Variants in KCNT2 observed in about 807,000 individuals in gnomAD.
KCNT2 encodes potassium channel subfamily T member 2.
A neutral mutation model predicts 153.8 loss-of-function variants in KCNT2; 67 were observed. That is an observed-to-expected ratio of 0.44 (90% CI 0.36 to 0.53). The LOEUF (loss-of-function observed/expected upper bound fraction) is 0.53, where lower values mean the gene tolerates loss of function less well. KCNT2 is among the 20% of genes least tolerant of loss of function. The pLI, the probability that KCNT2 is intolerant of heterozygous loss-of-function variation, is 0.00. For synonymous variants in KCNT2, 500 were observed against 458.8 expected (o/e 1.09, Z -1.15); for missense variants, 975 against 1,354.8 (o/e 0.72, Z 4.40).
intron 22 of KCNT2, among the ~76,000 whole-genome samples, chr1:196,301,934 T>C (rs1370874276): frequency 3.9e-5 from 6 of 152,042 alleles, no homozygotes; most frequent in African/African-American, 1.4e-4. Flanking sequence ...GAGACAGGGT[T>C]TTACCATGTT....
chr1:196,452,770 G>A (rs1676334375), intron 8 of KCNT2, among the ~76,000 whole-genome samples: 1 of 152,004 alleles, frequency 6.6e-6, no homozygotes, highest in Non-Finnish European at 1.5e-5. Flanking sequence ...GGCTGATGGT[G>A]TGAGAGACCC....
chr1:196,273,560 C>A, intron 25 of KCNT2: 1 of 1,083,054 alleles, frequency 9.2e-7, no homozygotes, highest in Non-Finnish European at 1.4e-6. Flanking sequence ...AGATGCATGC[C>A]AACAATCAGT....
At chr1:196,362,991 A>G (rs1438677645) in intron 14 of KCNT2, among the ~76,000 whole-genome samples, 1 of 152,064 alleles carries the variant, frequency 6.6e-6, no homozygotes, top group East Asian at 1.9e-4. Context: ...AAAAGCACAC[A>G]ATTATACTAG....
intron 22 of KCNT2, among the ~76,000 whole-genome samples, chr1:196,288,590 C>T (rs188107144): frequency 4.9e-4 from 74 of 152,100 alleles, no homozygotes; most frequent in Non-Finnish European, 9.0e-4. Flanking sequence ...TAGTGAAAGA[C>T]GAATGTACAT....
chr1:196,361,082 A>G (rs1023633181), intron 14 of KCNT2, among the ~76,000 whole-genome samples: 5 of 152,142 alleles, frequency 3.3e-5, no homozygotes, highest in East Asian at 1.9e-4. Context: ...TCTTCCCAGG[A>G]CATAGTTAGT....
chr1:196,540,243 A>T (rs547881327), intron 1 of KCNT2, among the ~76,000 whole-genome samples: 2 of 152,334 alleles, frequency 1.3e-5, no homozygotes, highest in South Asian at 2.1e-4. Context: ...ACTGTCAAAA[A>T]TAATCTCTTA....
chr1:196,416,562 C>T, intron 12 of KCNT2, among the ~76,000 whole-genome samples: 1 of 152,020 alleles, frequency 6.6e-6, no homozygotes, highest in East Asian at 1.9e-4. Context: ...GCTATATATG[C>T]TACTTGTTTC....
chr1:196,297,287 T>C (rs1660760612), intron 22 of KCNT2, among the ~76,000 whole-genome samples: 1 of 152,128 alleles, frequency 6.6e-6, no homozygotes, highest in Non-Finnish European at 1.5e-5. Flanking sequence ...TTAATTTTAT[T>C]AACTTAGTTA....
chr1:196,333,762 C>T lies in KCNT2; in HGVS notation c.1997+85G>A, dbSNP rs903111158. Reference sequence around the variant, plus strand: ...AGAAGGAAAGATCATTAGCTCCTTACCTATTGGGAAGGTATGTAAAGAAAA... The same window carrying T: ...AGAAGGAAAGATCATTAGCTCCTTATCTATTGGGAAGGTATGTAAAGAAAA... On this transcript the variant is annotated intron_variant, in intron 17 of 27. Coordinates refer to ENST00000294725, the MANE Select transcript of KCNT2 (RefSeq NM_198503.5). 14 of 768,154 alleles carry T rather than the reference C, an allele frequency of 1.8e-5. No individual in the cohort carries two copies. The African/African-American group carries it at 2.4e-4, about 13-fold the overall frequency. 47.6% of individuals were successfully genotyped at this position (768,154 alleles called of 1,614,324 possible).
In KCNT2 at chr1:196,403,009, ATTTC is replaced by A. The variant is rs570113720; in HGVS notation, c.1186-4342_1186-4339del. On this transcript the variant is annotated intron_variant, in intron 12 of 27. Transcript: ENST00000294725. ...ATCAAATTTGGAATACATTTTGACAATTTCTTACAAAACTAAGTATACCCTAACC... is the reference window on the plus strand; with the variant it reads ...ATCAAATTTGGAATACATTTTGACAATTACAAAACTAAGTATACCCTAACC... Among the ~76,000 whole-genome samples the A allele has an allele frequency of 9.7e-4, 147 of 151,788 alleles. 1 individual carries two copies. Among genetic ancestry groups the A allele is most frequent in the African/African-American group, 2.0e-3 (84 of 41,500 alleles).
chr1:196,285,411 G>A (rs907159000), intron 23 of KCNT2, among the ~76,000 whole-genome samples: 3 of 152,000 alleles, frequency 2.0e-5, no homozygotes, highest in Non-Finnish European at 2.9e-5. Flanking sequence ...AAACACTGCA[G>A]GGCACTGGTA....
chr1:196,608,359 G>C lies in KCNT2; in HGVS notation c.-50C>G. On this transcript the variant is annotated 5_prime_UTR_variant, in exon 1 of 28. Transcript: ENST00000294725. Reference sequence around the variant, plus strand: ...CAAACAACAAATGGAGGAGAGGAGGGAGAAAGAAAGAAAATATTGCGGAGT... The same window carrying C: ...CAAACAACAAATGGAGGAGAGGAGGCAGAAAGAAAGAAAATATTGCGGAGT... The C allele has an allele frequency of 2.1e-6, 3 of 1,435,934 alleles. No homozygotes were observed. The highest frequency in any genetic ancestry group is 2.0e-6 in the Non-Finnish European group (2 of 1,018,532). 88.9% of individuals were successfully genotyped at this position (1,435,934 alleles called of 1,614,324 possible). A position where few individuals can be genotyped will look rare whatever the true frequency, so the allele number is the denominator to read the frequency against.
rs144153067 is a variant in KCNT2, at chr1:196,561,191, A to T, written c.95+47024T>A. ...GATTTAATCATTCCACGACTTATACATATATCAGGGCATCACATTATATCC... is the reference window on the plus strand; with the variant it reads ...GATTTAATCATTCCACGACTTATACTTATATCAGGGCATCACATTATATCC... On this transcript the variant is annotated intron_variant, in intron 1 of 27. Coordinates refer to ENST00000294725, the MANE Select transcript of KCNT2 (RefSeq NM_198503.5). Among the ~76,000 whole-genome samples, 193 of 151,968 alleles carry T rather than the reference A, an allele frequency of 1.3e-3. 1 individual carries two copies. Among genetic ancestry groups the T allele is most frequent in the African/African-American group, 4.6e-3 (191 of 41,494 alleles).
intron 1 of KCNT2, among the ~76,000 whole-genome samples, chr1:196,496,310 T>C (rs968651554): frequency 6.6e-6 from 1 of 151,720 alleles, no homozygotes; most frequent in Non-Finnish European, 1.5e-5. Context: ...TCTACTAAAA[T>C]ACAAAAAATT....
intron 26 of KCNT2, among the ~76,000 whole-genome samples, chr1:196,237,207 A>C (rs1220895505): frequency 6.6e-6 from 1 of 151,756 alleles, no homozygotes; most frequent in Admixed American, 6.6e-5. Context: ...TATAAATTAC[A>C]TTCATAAAAT....
chr1:196,397,270 A>G (rs569074962), intron 13 of KCNT2, among the ~76,000 whole-genome samples: 6 of 151,642 alleles, frequency 4.0e-5, no homozygotes, highest in African/African-American at 1.4e-4. Context: ...AAATTTTTCA[A>G]AAATATTTCT....
At chr1:196,389,133 G>A (rs1329283305) in intron 13 of KCNT2, among the ~76,000 whole-genome samples, 2 of 151,644 alleles carry the variant, frequency 1.3e-5, no homozygotes, top group African/African-American at 4.8e-5. Context: ...TTAATATGGT[G>A]AACTGCTCTG....
chr1:196,414,247 T>C (rs1328019454), intron 12 of KCNT2, among the ~76,000 whole-genome samples: 2 of 151,748 alleles, frequency 1.3e-5, no homozygotes, highest in Non-Finnish European at 3.0e-5. Context: ...AAAACTACAT[T>C]ATACTCTGTA....
intron 16 of KCNT2, among the ~76,000 whole-genome samples, chr1:196,334,883 C>A (rs537292551): frequency 6.6e-6 from 1 of 151,840 alleles, no homozygotes; most frequent in Non-Finnish European, 1.5e-5. Flanking sequence ...TTAGGACATT[C>A]GATTTTTGAC....
Sources: gnomAD v4.1 joint callset for allele counts (sites outside exome capture counted in the v4.1 genomes callset) on GRCh38, gnomAD v4.1.1 for gene constraint, MANE v1.5 for transcripts, NCBI Gene and HGNC (gene_info 2026-07-23, HGNC 2026-07-21) for gene names.